RAD54L: variants seen among roughly 807,000 people sequenced by gnomAD.
RAD54L encodes RAD54 like.
Under a neutral mutation model 91.6 loss-of-function variants are expected in RAD54L, and 74 were observed. That is an observed-to-expected ratio of 0.81 (90% CI 0.67 to 0.98). The LOEUF is 0.98. Ranked by LOEUF, RAD54L falls within the 50% of genes least tolerant of loss-of-function variation. The pLI is 0.00. For missense variants in RAD54L, 887 were observed against 945.7 expected (o/e 0.94, Z 0.81); for synonymous variants, 304 against 349.7 (o/e 0.87, Z 1.46).
At chr1:46,276,800 GTTTGTTT>G (rs756299806) in intron 16 of RAD54L, among the ~76,000 whole-genome samples, 5 of 152,112 alleles carry the variant, frequency 3.3e-5, no homozygotes, top group African/African-American at 9.7e-5. Context: ...GGCATCCAAG[GTTTGTTT>G]TTTGTTTTTT....
intron 2 of RAD54L, among the ~76,000 whole-genome samples, 173 bp from the exon 3 acceptor site, chr1:46,249,827 T>G (rs1353478313): frequency 1.3e-5 from 2 of 152,168 alleles, no homozygotes; most frequent in Non-Finnish European, 2.9e-5. Flanking sequence ...TCTCACCTCT[T>G]AAATAAGGAT....
chr1:46,270,833 T>C (rs1660405934), intron 10 of RAD54L, 48 bp downstream of exon 10: 2 of 1,609,050 alleles, frequency 1.2e-6, no homozygotes. Flanking sequence ...AAACCATCCA[T>C]GGCCAATCCT....
At chr1:46,259,190 A>C (rs1222045611) in intron 4 of RAD54L, among the ~76,000 whole-genome samples, 1 of 147,790 alleles carries the variant, frequency 6.8e-6, no homozygotes, top group African/African-American at 2.5e-5. Context: ...TTTTTTTTTT[A>C]ATTTAATAGA....
chr1:46,274,331 A>C lies in RAD54L; in HGVS notation c.1689+115A>C, dbSNP rs534541971. 10 of 1,268,704 alleles carry C rather than the reference A, an allele frequency of 7.9e-6. No homozygotes were observed. The Admixed American group carries it at 9.4e-5, about 12-fold the overall frequency. 78.6% of individuals were successfully genotyped at this position (1,268,704 alleles called of 1,614,324 possible). On this transcript the variant is annotated intron_variant, in intron 15 of 17. Transcript: ENST00000371975. The stretch of plus-strand genomic sequence containing the variant: ...TTTTTTTTTTTAATTCCCCTAGTGG[A>C]TATAGTAGGATTTGTCTGGTTGGTG...
chr1:46,272,387 C>T lies in RAD54L; in HGVS notation c.1170-79C>T, dbSNP rs1432214833. The T allele has an allele frequency of 9.4e-6, 12 of 1,276,858 alleles. No individual in the cohort carries two copies. The East Asian group carries it at 2.8e-4, about 29-fold the overall frequency. 79.1% of individuals were successfully genotyped at this position (1,276,858 alleles called of 1,614,324 possible). On this transcript the variant is annotated intron_variant, in intron 10 of 17. Transcript: ENST00000371975. Reference sequence around the variant, plus strand: ...CTGTAAAAGAGGGCTAGTCTTGGTCCTTTGGGTGGTAGCTTTTATTCCAGT... The same window carrying T: ...CTGTAAAAGAGGGCTAGTCTTGGTCTTTTGGGTGGTAGCTTTTATTCCAGT...
intron 3 of RAD54L, among the ~76,000 whole-genome samples, chr1:46,252,067 C>T (rs1018843158): frequency 5.3e-5 from 8 of 152,156 alleles, no homozygotes; most frequent in Non-Finnish European, 2.9e-5. Context: ...GAAGACCTGC[C>T]TCTGAGAGAT....
At chr1:46,260,164 C>A (rs759701942) in intron 5 of RAD54L, 65 bp downstream of exon 5, 1 of 1,601,296 alleles carries the variant, frequency 6.2e-7, no homozygotes, top group Non-Finnish European at 8.5e-7. Context: ...CTTGGGAGGG[C>A]AGAGGGTATT....
chr1:46,248,484 AG>A (rs969617352), intron 1 of RAD54L, 27 bp from the exon 2 acceptor site: 1 of 1,613,936 alleles, frequency 6.2e-7, no homozygotes, highest in Non-Finnish European at 8.5e-7. Context: ...GGATCCTTGC[AG>A]GCACTGTTTC....
chr1:46,251,203 T>G (rs1659789244), intron 3 of RAD54L, among the ~76,000 whole-genome samples: 1 of 145,544 alleles, frequency 6.9e-6, no homozygotes, highest in Non-Finnish European at 1.5e-5. Flanking sequence ...TCCCAGCTAC[T>G]TGGGAGGCTG....
chr1:46,253,431 T>G (rs1659854997), intron 3 of RAD54L, among the ~76,000 whole-genome samples: 1 of 152,064 alleles, frequency 6.6e-6, no homozygotes, highest in Non-Finnish European at 1.5e-5. Context: ...CCATCCTGGC[T>G]AACATGGTGA....
Position 46,278,182 on chromosome 1 carries a change from T to G in RAD54L, c.2144T>G (p.Leu715Arg), listed in dbSNP as rs777178522. Residue 715 changes from leucine to arginine, a missense_variant, in exon 18 of 18, where the codon CTC (leucine) becomes CGC (arginine). Transcript: ENST00000371975. ...AACCACTGCACTGATAAGTGGGGGC[T>G]CCGGGATGAGGTACTCCAGGCTGCC... ...GWNHCTDKWG[L>R]RDEVLQAAWD... The G allele has an allele frequency of 1.9e-6, 3 of 1,613,820 alleles. No homozygotes were observed. In the South Asian group the frequency reaches 3.3e-5, roughly 18 times the overall value.
chr1:46,248,457 A>T (rs879092435), intron 1 of RAD54L, 49 bp downstream of exon 1: 1 of 1,613,992 alleles, frequency 6.2e-7, no homozygotes, highest in African/African-American at 1.3e-5. Flanking sequence ...GTCAGGGTCT[A>T]GTAGGCCTAG....
In RAD54L at chr1:46,253,028, T is replaced by C. The variant is rs375377260; in HGVS notation, c.210+2909T>C. Among the ~76,000 whole-genome samples the C allele has an allele frequency of 1.0e-3, 158 of 152,246 alleles. 2 individuals are homozygous for C. The South Asian group carries it at 0.016, about 16-fold the overall frequency. ...TCAAGGGTGCAGTGACCCGTGATAC[T>C]GTCAGTGCACTCCACCCTGGGTGAC... On this transcript the variant is annotated intron_variant, in intron 3 of 17. Coordinates refer to ENST00000371975, the MANE Select transcript of RAD54L (RefSeq NM_003579.4).
intron 7 of RAD54L, 56 bp from the exon 8 acceptor site, chr1:46,261,205 T>G (rs998778160): frequency 1.5e-5 from 18 of 1,184,040 alleles, no homozygotes; most frequent in Middle Eastern, 4.2e-4. Context: ...GTTTTTTTTG[T>G]TTTTTTTTTT....
rs2148289264 is a variant in RAD54L at position 46,261,305 on chromosome 1, C to T, written c.811C>T (p.Leu271Phe). 3 of 1,613,726 alleles carry T rather than the reference C, an allele frequency of 1.9e-6. No homozygotes were observed. Among genetic ancestry groups the T allele is most frequent in the Non-Finnish European group, 2.5e-6 (3 of 1,179,940 alleles). ...QRGARVSSPI[L>F]IISYETFRLH... ...TGGAGCCAGGGTGTCTTCTCCCATC[C>T]TCATCATTTCCTATGAGACCTTCCG... Residue 271 changes from leucine to phenylalanine, a missense_variant, in exon 8 of 18, where the codon CTC becomes TTC. By Grantham distance (22) the Leu-to-Phe change is conservative (BLOSUM62 0). Transcript: ENST00000371975.
Position 46,248,301 on chromosome 1 carries a change from A to G in RAD54L, c.-105A>G. ...AATTAGCCGGTCCTCTCAATAATGT[A>G]GCAGCCCCCTCTACAGATTAGACCC... On this transcript the variant is annotated 5_prime_UTR_variant, in exon 1 of 18. An upstream open reading frame in the 5' UTR loses its in-frame stop. Coordinates refer to ENST00000371975, the MANE Select transcript of RAD54L (RefSeq NM_003579.4). 7.1e-7 allele frequency: 1 copy of G among 1,402,716 alleles called. No individual in the cohort carries two copies. Among genetic ancestry groups the G allele is most frequent in the Non-Finnish European group, 1.0e-6 (1 of 1,000,146 alleles). The allele number at this position is 1,402,716 out of a possible 1,614,324, so 86.9% of individuals were successfully genotyped here.
intron 3 of RAD54L, among the ~76,000 whole-genome samples, chr1:46,256,471 T>C (rs1273900109): frequency 6.6e-6 from 1 of 152,168 alleles, no homozygotes; most frequent in Non-Finnish European, 1.5e-5. Flanking sequence ...CTGGGCATAA[T>C]GGCTCATGCC....
chr1:46,248,835 A>G (rs1659725310), intron 2 of RAD54L, among the ~76,000 whole-genome samples: 1 of 152,212 alleles, frequency 6.6e-6, no homozygotes, highest in Non-Finnish European at 1.5e-5. Flanking sequence ...AAGATAAGCA[A>G]AAGAGCCAGT....
At chr1:46,261,865 C>A (rs761964583) in intron 8 of RAD54L, among the ~76,000 whole-genome samples, 1 of 152,172 alleles carries the variant, frequency 6.6e-6, no homozygotes, top group Non-Finnish European at 1.5e-5. Flanking sequence ...CGATGATTCA[C>A]GCCTGTAATC....
Sources: allele counts gnomAD v4.1 joint callset (sites outside exome capture counted in the v4.1 genomes callset), GRCh38; gene constraint gnomAD v4.1.1; transcripts MANE v1.5; gene names NCBI Gene and HGNC (gene_info 2026-07-23, HGNC 2026-07-21).